Variants in PLEKHA8 observed in about 807,000 individuals in gnomAD.
PLEKHA8 encodes pleckstrin homology domain containing A8, also known as pleckstrin homology domain-containing family A member 8.
PLEKHA8 carries 36 observed loss-of-function variants against 68.2 expected under a neutral mutation model. That is an observed-to-expected ratio of 0.53 (90% CI 0.40 to 0.70). PLEKHA8 has a LOEUF of 0.70. Ranked by LOEUF, PLEKHA8 falls within the 30% of genes least tolerant of loss-of-function variation. The pLI is 0.00. For missense variants in PLEKHA8, 505 were observed against 615.4 expected (o/e 0.82, Z 1.90); for synonymous variants, 211 against 216.1 (o/e 0.98, Z 0.20).
intron 13 of PLEKHA8, 61 bp from the exon 14 acceptor site, chr7:30,078,529 A>C: frequency 1.9e-6 from 3 of 1,570,764 alleles, no homozygotes; most frequent in Non-Finnish European, 2.6e-6. Context: ...GTGCACATGC[A>C]TAAAAATAAG....
At chr7:30,084,963 T>C (rs1795120611), downstream of PLEKHA8, among the ~76,000 whole-genome samples, 2 of 151,066 alleles carry the variant, frequency 1.3e-5, no homozygotes, top group Admixed American at 1.3e-4. Context: ...TTTTTTTTTT[T>C]TGAGGCAGTC....
At chr7:30,094,234 A>G (rs1480485401), downstream of PLEKHA8, among the ~76,000 whole-genome samples, 1 of 150,882 alleles carries the variant, frequency 6.6e-6, no homozygotes, top group Non-Finnish European at 1.5e-5. Flanking sequence ...CTTTGATTTA[A>G]TCTGCTAAAT....
In PLEKHA8 at chr7:30,118,080, C is replaced by G. The variant is rs374654103; in HGVS notation, c.1363-11186C>G. 32 of 1,423,002 alleles carry G rather than the reference C, an allele frequency of 2.2e-5. 1 individual carries two copies. In the South Asian group the frequency reaches 2.3e-4, roughly 10 times the overall value. 88.1% of individuals were successfully genotyped at this position (1,423,002 alleles called of 1,614,324 possible). A position where few individuals can be genotyped will look rare whatever the true frequency, so the allele number is the denominator to read the frequency against. On this transcript the variant is annotated intron_variant, in intron 13 of 13. Transcript: ENST00000396257. Reference sequence around the variant, plus strand: ...CAGCATGAGACAGGATGCATCACATCTGGGTGACGCCTCTCTCCAGGGGAT... The same window carrying G: ...CAGCATGAGACAGGATGCATCACATGTGGGTGACGCCTCTCTCCAGGGGAT...
At chr7:30,046,168 G>T in intron 2 of PLEKHA8, 42 bp from the exon 3 acceptor site, 1 of 1,506,850 alleles carries the variant, frequency 6.6e-7, no homozygotes, top group South Asian at 1.4e-5. Context: ...TACCCAGACA[G>T]GGCTCTTCTG....
At chr7:30,118,104 A>C (rs1405247460) in intron 13 of PLEKHA8, 1 of 1,301,448 alleles carries the variant, frequency 7.7e-7, no homozygotes, top group South Asian at 1.7e-5. Context: ...TCTCCAGGGG[A>C]TCAGCCTGGA....
Position 30,115,931 on chromosome 7 carries a change from TG to T in PLEKHA8, c.1363-13334del, listed in dbSNP as rs1402915409. 42 of 149,280 alleles carry T rather than the reference TG, an allele frequency of 2.8e-4. 4 individuals are homozygous for T. Among genetic ancestry groups the T allele is most frequent in the African/African-American group, 1.0e-3 (41 of 40,526 alleles). The allele number at this position is 149,280 out of a possible 1,614,324, so 9.2% of individuals were successfully genotyped here. A position where few individuals can be genotyped will look rare whatever the true frequency, so the allele number is the denominator to read the frequency against. Reference sequence around the variant, plus strand: ...ACATGCATGCGTGCGTGTACATACATGTATACATGCACACATACGCATACAT... The same window carrying T: ...ACATGCATGCGTGCGTGTACATACATTATACATGCACACATACGCATACAT... On this transcript the variant is annotated intron_variant, in intron 13 of 13. Transcript: ENST00000396257.
intron 10 of PLEKHA8, 103 bp downstream of exon 10, chr7:30,061,045 A>C: frequency 9.1e-7 from 1 of 1,095,054 alleles, no homozygotes; most frequent in Non-Finnish European, 1.4e-6. Context: ...AAAATGTGTC[A>C]CTGTTCTTTT....
At chr7:30,058,991 C>T (rs931659514) in intron 9 of PLEKHA8, among the ~76,000 whole-genome samples, 1 of 152,192 alleles carries the variant, frequency 6.6e-6, no homozygotes, top group South Asian at 2.1e-4. Flanking sequence ...TGTGATGGCG[C>T]AAGCCTGTAG....
intron 13 of PLEKHA8, among the ~76,000 whole-genome samples, chr7:30,106,116 T>C (rs1796046549): frequency 6.6e-6 from 1 of 151,960 alleles, no homozygotes; most frequent in African/African-American, 2.4e-5. Context: ...TGGAGTGCAG[T>C]GGCACGATCT....
At position 30,078,581 on chromosome 7, in the gene PLEKHA8, C is replaced by A; in HGVS notation, c.1363-9C>A. 3 of 1,613,430 alleles carry A rather than the reference C, an allele frequency of 1.9e-6. No homozygotes were observed. The highest frequency in any genetic ancestry group is 1.3e-5 in the African/African-American group (1 of 75,002). On this transcript the variant is annotated splice_polypyrimidine_tract_variant and intron_variant, in intron 13 of 13. Coordinates refer to ENST00000449726, the MANE Select transcript of PLEKHA8 (RefSeq NM_001197026.2). The stretch of plus-strand genomic sequence containing the variant: ...TTGATGCAGATTCTCATGGGTTATT[C>A]TTTTGCAGTTAGCTTTAAGGGCAGC...
chr7:30,067,972 T>A (rs908435161), intron 12 of PLEKHA8, among the ~76,000 whole-genome samples: 21 of 152,252 alleles, frequency 1.4e-4, no homozygotes, highest in African/African-American at 4.8e-4. Context: ...TGGAAAATTA[T>A]GTCCAGACAG....
At position 30,028,652 on chromosome 7, in the gene PLEKHA8, G is replaced by C. The variant is rs1013466579; in HGVS notation, c.-111G>C. ...CCCACACCGGGCCCGGGCGCCGGGA[G>C]TGGGCGTCTGGGCAGCGCCAGGCGA... On this transcript the variant is annotated 5_prime_UTR_variant, in exon 1 of 14. Coordinates refer to ENST00000449726, the MANE Select transcript of PLEKHA8 (RefSeq NM_001197026.2). 2 of 865,314 alleles carry C rather than the reference G, an allele frequency of 2.3e-6. No individual in the cohort carries two copies. 53.6% of individuals were successfully genotyped at this position (865,314 alleles called of 1,614,324 possible). A position where few individuals can be genotyped will look rare whatever the true frequency, so the allele number is the denominator to read the frequency against.
intron 1 of PLEKHA8, among the ~76,000 whole-genome samples, chr7:30,038,113 C>T (rs1417185081): frequency 1.3e-5 from 2 of 152,118 alleles, no homozygotes; most frequent in Non-Finnish European, 2.9e-5. Flanking sequence ...TACACTCTAG[C>T]ATGAGGCTAA....
intron 13 of PLEKHA8, among the ~76,000 whole-genome samples, chr7:30,110,602 G>A (rs927083227): frequency 5.3e-5 from 8 of 152,184 alleles, no homozygotes; most frequent in African/African-American, 9.7e-5. Flanking sequence ...CTTCCGAAGT[G>A]TTTTCCAAAG....
chr7:30,043,915 C>G (rs1044093774), intron 1 of PLEKHA8, among the ~76,000 whole-genome samples: 1 of 152,108 alleles, frequency 6.6e-6, no homozygotes, highest in African/African-American at 2.4e-5. Context: ...TTAGCCATGG[C>G]AGTCCTATGA....
At chr7:30,099,484 C>T (rs1051187799) in intron 13 of PLEKHA8, among the ~76,000 whole-genome samples, 1 of 152,220 alleles carries the variant, frequency 6.6e-6, no homozygotes, top group African/African-American at 2.4e-5. Flanking sequence ...AGGCGAGGCA[C>T]AAAGTCTCCC....
intron 5 of PLEKHA8, among the ~76,000 whole-genome samples, chr7:30,049,631 A>C (rs137910951): frequency 1.2e-4 from 19 of 152,308 alleles, no homozygotes; most frequent in African/African-American, 4.3e-4. Context: ...TCTTGCCTAA[A>C]GTTGTGATAG....
intron 12 of PLEKHA8, among the ~76,000 whole-genome samples, chr7:30,070,692 C>T (rs1333687572): frequency 1.3e-5 from 2 of 151,960 alleles, no homozygotes; most frequent in Non-Finnish European, 2.9e-5. Flanking sequence ...ATTACGGGCA[C>T]CCACCACCAC....
chr7:30,116,265 T>C (rs528542912), intron 13 of PLEKHA8, among the ~76,000 whole-genome samples: 127 of 151,650 alleles, frequency 8.4e-4, no homozygotes, highest in African/African-American at 2.8e-3. Flanking sequence ...TATACATGCA[T>C]ACATGTATGT....
Sources: allele counts gnomAD v4.1 joint callset (sites outside exome capture counted in the v4.1 genomes callset), GRCh38; gene constraint gnomAD v4.1.1; transcripts MANE v1.5; gene names NCBI Gene and HGNC (gene_info 2026-07-23, HGNC 2026-07-21).